The following GALNT17 variants were observed in gnomAD, a reference collection of about 807,000 sequenced individuals.
The protein encoded by GALNT17 is polypeptide N-acetylgalactosaminyltransferase 17, also known as UDP-GalNAc:polypeptide N-acetylgalactosaminyltransferase-like 3.
In GALNT17, 29 loss-of-function variants were observed where a neutral mutation model predicts 63.7. The ratio of observed to expected loss-of-function variants is 0.46; its 90% CI spans 0.34 to 0.62. GALNT17 has a LOEUF of 0.62. Ranked by LOEUF, GALNT17 falls within the 20% of genes least tolerant of loss-of-function variation. The pLI is 0.01. For missense variants in GALNT17, 603 were observed against 799.6 expected (o/e 0.75, Z 2.97); for synonymous variants, 305 against 318.3 (o/e 0.96, Z 0.45).
At chr7:71,642,356 T>C (rs183460585) in intron 6 of GALNT17, among the ~76,000 whole-genome samples, 1 of 152,318 alleles carries the variant, frequency 6.6e-6, no homozygotes, top group African/African-American at 2.4e-5. Flanking sequence ...TATCTGACAC[T>C]TAACCAGTGT....
At chr7:71,425,627 A>T (rs1056175932) in intron 5 of GALNT17, among the ~76,000 whole-genome samples, 1 of 152,124 alleles carries the variant, frequency 6.6e-6, no homozygotes, top group African/African-American at 2.4e-5. Context: ...CCCCAACCAC[A>T]TGCGTCTAGA....
intron 2 of GALNT17, among the ~76,000 whole-genome samples, chr7:71,375,028 C>T (rs1189975184): frequency 2.0e-5 from 3 of 151,782 alleles, no homozygotes; most frequent in Admixed American, 6.6e-5. Flanking sequence ...TTAGTAGAGA[C>T]GGGGTTTCAC....
chr7:71,209,525 G>T (rs903778692), intron 1 of GALNT17, among the ~76,000 whole-genome samples: 3 of 152,012 alleles, frequency 2.0e-5, no homozygotes, highest in Non-Finnish European at 4.4e-5. Context: ...TTGAGACAGG[G>T]TTTTGCTGTG....
chr7:71,603,858 G>A lies in GALNT17; in HGVS notation c.1080+32456G>A, dbSNP rs979510743. 1.2e-4 allele frequency among the ~76,000 whole-genome samples: 18 copies of A among 149,528 alleles called. No individual in the cohort carries two copies. The South Asian group carries it at 3.0e-3, about 25-fold the overall frequency. ...ATACTATGCTAAGTGCATACACCAG[G>A]CACTGTGCTAAGTGCATACACCAGG... On this transcript the variant is annotated intron_variant, in intron 6 of 10. Transcript: ENST00000333538.
chr7:71,592,059 A>G (rs577045270), intron 6 of GALNT17, among the ~76,000 whole-genome samples: 8 of 152,296 alleles, frequency 5.3e-5, no homozygotes, highest in South Asian at 4.1e-4. Context: ...TGTGGGACCA[A>G]TGCTTTTTGT....
chr7:71,627,444 GAAAC>G (rs1790390379), intron 6 of GALNT17, among the ~76,000 whole-genome samples: 1 of 152,154 alleles, frequency 6.6e-6, no homozygotes, highest in South Asian at 2.1e-4. Context: ...GGAAAAGAAA[GAAAC>G]AGCCTTTCCA....
chr7:71,456,669 C>T (rs1205686365), intron 5 of GALNT17, among the ~76,000 whole-genome samples: 1 of 148,960 alleles, frequency 6.7e-6, no homozygotes, highest in Non-Finnish European at 1.5e-5. Context: ...CTGCAGACTC[C>T]ATAAAAAAAA....
chr7:71,525,192 G>A (rs1354646316), intron 5 of GALNT17, among the ~76,000 whole-genome samples: 2 of 151,898 alleles, frequency 1.3e-5, no homozygotes, highest in Admixed American at 6.6e-5. Context: ...TGTTTGTTTC[G>A]AGATGGAGTC....
intron 1 of GALNT17, among the ~76,000 whole-genome samples, chr7:71,288,000 C>T (rs1254639230): frequency 4.8e-5 from 7 of 144,792 alleles, no homozygotes; most frequent in Middle Eastern, 7.6e-3. Context: ...TGCAGTGAGC[C>T]GAGATCACAC....
rs527493619 is a variant in GALNT17, at chr7:71,692,879, C to T, written c.1500+15573C>T. The stretch of plus-strand genomic sequence containing the variant: ...TCAGCCTCCAGAGTAACTGGGATTA[C>T]AGGTGCCCGCCACCACACTCAGCTA... On this transcript the variant is annotated intron_variant, in intron 9 of 10. Coordinates refer to ENST00000333538, the MANE Select transcript of GALNT17 (RefSeq NM_022479.3). Among the ~76,000 whole-genome samples the T allele has an allele frequency of 5.1e-4, 77 of 151,774 alleles. 1 individual carries two copies. The highest frequency in any genetic ancestry group is 1.0e-3 in the Non-Finnish European group (69 of 67,962).
chr7:71,617,595 C>T (rs10279281), intron 6 of GALNT17, among the ~76,000 whole-genome samples: 65,821 of 151,274 alleles, frequency 0.44, 16,520 homozygotes, highest in East Asian at 0.76. Flanking sequence ...GCCGGGTTTA[C>T]AGGCATGAGC....
intron 5 of GALNT17, among the ~76,000 whole-genome samples, chr7:71,500,368 G>T (rs923794596): frequency 6.6e-6 from 1 of 152,176 alleles, no homozygotes; most frequent in East Asian, 1.9e-4. Flanking sequence ...ACTGCACGAT[G>T]ATTTTGAACT....
At chr7:71,478,354 C>T (rs544951762) in intron 5 of GALNT17, among the ~76,000 whole-genome samples, 6 of 152,170 alleles carry the variant, frequency 3.9e-5, no homozygotes, top group South Asian at 4.1e-4. Flanking sequence ...CTCTGTTACC[C>T]GAGCTAGAGT....
At chr7:71,382,179 A>G (rs1289099385) in intron 2 of GALNT17, among the ~76,000 whole-genome samples, 3 of 152,198 alleles carry the variant, frequency 2.0e-5, no homozygotes, top group East Asian at 3.9e-4. Flanking sequence ...CAGGAGTTCA[A>G]GACCAGCCTG....
intron 9 of GALNT17, among the ~76,000 whole-genome samples, chr7:71,704,203 T>TAAAC (rs1283853375): frequency 6.6e-6 from 1 of 152,114 alleles, no homozygotes; most frequent in East Asian, 1.9e-4. Flanking sequence ...AGAGGTGTAT[T>TAAAC]AAACACACTA....
intron 3 of GALNT17, among the ~76,000 whole-genome samples, chr7:71,390,689 G>C (rs1481551038): frequency 6.6e-6 from 1 of 152,108 alleles, no homozygotes; most frequent in Non-Finnish European, 1.5e-5. Context: ...CCCCAGGCCA[G>C]AAATCTCTTC....
At chr7:71,673,621 A>G (rs1450098887) in intron 8 of GALNT17, among the ~76,000 whole-genome samples, 1 of 152,160 alleles carries the variant, frequency 6.6e-6, no homozygotes, top group Non-Finnish European at 1.5e-5. Context: ...GTTACTAAAA[A>G]GGAAATAATA....
At position 71,223,262 on chromosome 7, in the gene GALNT17, G is replaced by A. The variant is rs545626711; in HGVS notation, c.238+90222G>A. On this transcript the variant is annotated intron_variant, in intron 1 of 10. Coordinates refer to ENST00000333538, the MANE Select transcript of GALNT17 (RefSeq NM_022479.3). Reference sequence around the variant, plus strand: ...ACGTTGCTGGCAGTCTAAGTGGTGCGTTTCTAGCTCTCTCATTCCTCCCAC... The same window carrying A: ...ACGTTGCTGGCAGTCTAAGTGGTGCATTTCTAGCTCTCTCATTCCTCCCAC... 7.3e-4 allele frequency among the ~76,000 whole-genome samples: 111 copies of A among 152,168 alleles called. 1 individual carries two copies. Among genetic ancestry groups the A allele is most frequent in the Non-Finnish European group, 1.3e-3 (88 of 68,016 alleles).
At chr7:71,224,348 A>T (rs1481174990) in intron 1 of GALNT17, among the ~76,000 whole-genome samples, 1 of 152,184 alleles carries the variant, frequency 6.6e-6, no homozygotes, top group Non-Finnish European at 1.5e-5. Context: ...GCCTCAATAC[A>T]TTCTTCCTAA....
Sources: gnomAD v4.1 joint callset for allele counts (sites outside exome capture counted in the v4.1 genomes callset) on GRCh38, gnomAD v4.1.1 for gene constraint, MANE v1.5 for transcripts, NCBI Gene and HGNC (gene_info 2026-07-23, HGNC 2026-07-21) for gene names.